Variants in ARHGAP15 observed in about 807,000 individuals in gnomAD.
ARHGAP15 encodes the protein Rho GTPase activating protein 15, also known as rho GTPase-activating protein 15.
In ARHGAP15, 51 loss-of-function variants were observed where a neutral mutation model predicts 63.7. The observed-to-expected ratio is 0.80, with a 90% CI of 0.64 to 1.01. ARHGAP15 has a LOEUF of 1.01. ARHGAP15 is among the 50% of genes least tolerant of loss of function. ARHGAP15 has a pLI of 0.00. For synonymous variants in ARHGAP15, 191 were observed against 193.8 expected (o/e 0.99, Z 0.12); for missense variants, 560 against 564.6 (o/e 0.99, Z 0.08).
intron 13 of ARHGAP15, among the ~76,000 whole-genome samples, chr2:143,757,187 G>A (rs1278455974): frequency 6.6e-6 from 1 of 152,062 alleles, no homozygotes; most frequent in Non-Finnish European, 1.5e-5. Flanking sequence ...TAAAGTTACA[G>A]TGATTTAAAC....
chr2:143,630,050 C>CT (rs1699002367), intron 12 of ARHGAP15, among the ~76,000 whole-genome samples: 2 of 152,090 alleles, frequency 1.3e-5, no homozygotes, highest in Admixed American at 1.3e-4. Flanking sequence ...CCCATATGTC[C>CT]TATGTCATCT....
At chr2:143,745,174 C>A (rs1258412116) in intron 13 of ARHGAP15, among the ~76,000 whole-genome samples, 1 of 152,208 alleles carries the variant, frequency 6.6e-6, no homozygotes, top group Non-Finnish European at 1.5e-5. Flanking sequence ...TCCAGGAATA[C>A]CTTTTGTTGC....
chr2:143,527,271 G>C (rs1217734087), intron 10 of ARHGAP15, among the ~76,000 whole-genome samples: 2 of 151,854 alleles, frequency 1.3e-5, no homozygotes, highest in African/African-American at 2.4e-5. Flanking sequence ...ATATTTTTTT[G>C]TACAGGATAT....
chr2:143,543,293 T>C lies in ARHGAP15; in HGVS notation c.926-13115T>C, dbSNP rs190422732. On this transcript the variant is annotated intron_variant, in intron 10 of 13. Transcript: ENST00000295095. The stretch of plus-strand genomic sequence containing the variant: ...TTTTAATTTGCATGTATCTGATGAT[T>C]AGTGATGTTGAGCATTTTCCCATTT... 3.3e-5 allele frequency among the ~76,000 whole-genome samples: 5 copies of C among 152,272 alleles called. No individual in the cohort carries two copies. In the East Asian group the frequency reaches 9.6e-4, roughly 29 times the overall value.
In ARHGAP15 at chr2:143,285,163, A is replaced by G. The variant is rs377227042; in HGVS notation, c.474+34563A>G. Among the ~76,000 whole-genome samples the G allele has an allele frequency of 6.6e-5, 10 of 152,298 alleles. No homozygotes were observed. In the East Asian group the frequency reaches 1.2e-3, roughly 18 times the overall value. On this transcript the variant is annotated intron_variant, in intron 6 of 13. Transcript: ENST00000295095. ...TTATCCAATGGTTACTTAAAAAATA[A>G]AAATAAAAATTAGATTAACTGCCTT...
chr2:143,375,080 C>T (rs1423474449), intron 6 of ARHGAP15, among the ~76,000 whole-genome samples: 1 of 152,256 alleles, frequency 6.6e-6, no homozygotes, highest in African/African-American at 2.4e-5. Context: ...ATGTTAATCA[C>T]AGATGTGGAC....
At chr2:143,506,982 A>G (rs923938297) in intron 9 of ARHGAP15, among the ~76,000 whole-genome samples, 14 of 152,198 alleles carry the variant, frequency 9.2e-5, no homozygotes, top group African/African-American at 3.4e-4. Context: ...TAATCTATTC[A>G]TACATTCATT....
At chr2:143,229,491 C>T (rs547913631) in intron 5 of ARHGAP15, among the ~76,000 whole-genome samples, 8 of 152,270 alleles carry the variant, frequency 5.3e-5, no homozygotes, top group African/African-American at 1.7e-4. Flanking sequence ...TGGGGCAATT[C>T]AAGCTCAAAA....
chr2:143,713,701 G>A (rs910848135), intron 13 of ARHGAP15, among the ~76,000 whole-genome samples: 32 of 103,480 alleles, frequency 3.1e-4, no homozygotes, highest in African/African-American at 8.3e-4. Context: ...TTCCAAGTGG[G>A]AGAAATCAGC....
At chr2:143,537,368 A>T (rs1574598154) in intron 10 of ARHGAP15, among the ~76,000 whole-genome samples, 1 of 151,898 alleles carries the variant, frequency 6.6e-6, no homozygotes, top group African/African-American at 2.4e-5. Context: ...GCTGTGCGGA[A>T]GCTCTTTAGT....
rs142897172 is a variant in ARHGAP15, at chr2:143,138,663, C to T, written c.-15+9197C>T. Among the ~76,000 whole-genome samples the T allele has an allele frequency of 6.2e-4, 95 of 152,148 alleles. 2 individuals carry two copies. The highest frequency in any genetic ancestry group is 2.1e-3 in the African/African-American group (88 of 41,540). ...GTCTCCTCTGGATTCTATGTCTCCC[C>T]CTGGCTCTTAATTCTCAAAAATTCC... On this transcript the variant is annotated intron_variant, in intron 1 of 13. Transcript: ENST00000295095.
intron 10 of ARHGAP15, among the ~76,000 whole-genome samples, chr2:143,533,646 G>A (rs1694617977): frequency 6.6e-6 from 1 of 152,136 alleles, no homozygotes; most frequent in African/African-American, 2.4e-5. Flanking sequence ...GCAAAGAAAG[G>A]GAAAAGGGAG....
intron 5 of ARHGAP15, among the ~76,000 whole-genome samples, chr2:143,241,618 G>A (rs945779184): frequency 2.0e-5 from 3 of 152,148 alleles, no homozygotes; most frequent in African/African-American, 7.2e-5. Flanking sequence ...ATGCAAATGG[G>A]GCTGGGAATA....
intron 1 of ARHGAP15, among the ~76,000 whole-genome samples, chr2:143,134,104 AATCTATCTATCT>A (rs70982842): frequency 0.032 from 4,528 of 141,322 alleles, 176 homozygotes; most frequent in East Asian, 0.13. Flanking sequence ...TCTATTTGAA[AATCTATCTATCT>A]ATCTATCTAT....
chr2:143,253,293 A>G (rs2104987094), intron 6 of ARHGAP15, among the ~76,000 whole-genome samples: 1 of 152,162 alleles, frequency 6.6e-6, no homozygotes, highest in South Asian at 2.1e-4. Flanking sequence ...TAGGAAAACA[A>G]ACAAAAAATT....
intron 2 of ARHGAP15, among the ~76,000 whole-genome samples, chr2:143,166,043 A>AAGAG (rs1464264310): frequency 1.1e-5 from 1 of 88,710 alleles, no homozygotes; most frequent in Non-Finnish European, 3.0e-5. Flanking sequence ...AAGGAAGAAA[A>AAGAG]AGAAAGAAAG....
intron 11 of ARHGAP15, among the ~76,000 whole-genome samples, chr2:143,611,219 G>A (rs550049086): frequency 5.9e-5 from 9 of 152,152 alleles, no homozygotes; most frequent in South Asian, 2.1e-4. Flanking sequence ...TATGAGCCTC[G>A]TGTAAAAATG....
intron 6 of ARHGAP15, among the ~76,000 whole-genome samples, chr2:143,296,505 T>G (rs1216105129): frequency 6.6e-6 from 1 of 152,008 alleles, no homozygotes; most frequent in Non-Finnish European, 1.5e-5. Context: ...AATATCTTCC[T>G]AAGTGGAAGC....
At chr2:143,507,744 T>C (rs1271877316) in intron 9 of ARHGAP15, among the ~76,000 whole-genome samples, 1 of 152,214 alleles carries the variant, frequency 6.6e-6, no homozygotes, top group Non-Finnish European at 1.5e-5. Context: ...TCAGATCCCA[T>C]GTGTCCTCTA....
Sources: allele counts gnomAD v4.1 joint callset (sites outside exome capture counted in the v4.1 genomes callset), GRCh38; gene constraint gnomAD v4.1.1; transcripts MANE v1.5; gene names NCBI Gene and HGNC (gene_info 2026-07-23, HGNC 2026-07-21).